RIMS2: variants seen among roughly 807,000 people sequenced by gnomAD.
RIMS2 encodes the protein regulating synaptic membrane exocytosis 2, also known as regulating synaptic membrane exocytosis protein 2.
Under a neutral mutation model 174.4 loss-of-function variants are expected in RIMS2, and 59 were observed. The ratio of observed to expected loss-of-function variants is 0.34; its 90% CI spans 0.27 to 0.42. RIMS2 has a LOEUF of 0.42. Ranked by LOEUF, RIMS2 falls within the 10% of genes least tolerant of loss-of-function variation. The pLI, the probability that RIMS2 is intolerant of heterozygous loss-of-function variation, is 1.00. For missense variants in RIMS2, 1,620 were observed against 1,666.3 expected (o/e 0.97, Z 0.48); for synonymous variants, 606 against 572.5 (o/e 1.06, Z -0.84).
At chr8:103,638,527 A>G (rs1239615682) in intron 1 of RIMS2, among the ~76,000 whole-genome samples, 1 of 152,004 alleles carries the variant, frequency 6.6e-6, no homozygotes, top group Non-Finnish European at 1.5e-5. Context: ...TTGAGGGAGC[A>G]TTATAATCCA....
chr8:104,199,624 G>C lies in RIMS2; in HGVS notation c.3335-45292G>C, dbSNP rs372913992. Among the ~76,000 whole-genome samples, 11 of 152,214 alleles carry C rather than the reference G, an allele frequency of 7.2e-5. 1 individual carries two copies. The highest frequency in any genetic ancestry group is 5.8e-4 in the East Asian group (3 of 5,186). The stretch of plus-strand genomic sequence containing the variant: ...GAATGAGTAAGAGAAAGGAATTTCA[G>C]AGTAGGAAGGCATGCCTGTGGTTCA... On this transcript the variant is annotated intron_variant, in intron 19 of 23. Coordinates refer to ENST00000504942, the Ensembl canonical transcript of RIMS2.
chr8:103,634,350 G>A (rs7002805), intron 1 of RIMS2, among the ~76,000 whole-genome samples: 33 of 152,120 alleles, frequency 2.2e-4, no homozygotes, highest in African/African-American at 7.0e-4. Context: ...TCATTGTGTT[G>A]ACTTGTATTT....
chr8:103,935,006 A>G (rs2080927393), intron 12 of RIMS2, among the ~76,000 whole-genome samples: 1 of 152,024 alleles, frequency 6.6e-6, no homozygotes, highest in East Asian at 1.9e-4. Context: ...CAGATAAACC[A>G]TTCTCGAATT....
At chr8:104,174,737 C>T (rs2098864849) in intron 19 of RIMS2, among the ~76,000 whole-genome samples, 1 of 152,092 alleles carries the variant, frequency 6.6e-6, no homozygotes, top group African/African-American at 2.4e-5. Flanking sequence ...GGAAAAGAAA[C>T]AATAAATGAT....
chr8:104,192,470 G>A (rs2099002827), intron 19 of RIMS2, among the ~76,000 whole-genome samples: 1 of 152,008 alleles, frequency 6.6e-6, no homozygotes, highest in African/African-American at 2.4e-5. Flanking sequence ...TATTTGAGCA[G>A]TAGTGTTTCT....
At chr8:103,835,164 C>T (rs1471213351) in intron 3 of RIMS2, among the ~76,000 whole-genome samples, 14 of 147,038 alleles carry the variant, frequency 9.5e-5, no homozygotes, top group African/African-American at 3.5e-4. Flanking sequence ...TGCAGTGGCG[C>T]GATCTCAGCT....
At chr8:104,107,975 C>CT (rs1017778669) in intron 19 of RIMS2, among the ~76,000 whole-genome samples, 3 of 151,062 alleles carry the variant, frequency 2.0e-5, no homozygotes, top group South Asian at 4.3e-4. Context: ...CTGCCCCCCC[C>CT]CCACAATGGA....
chr8:103,560,899 AACAG>A, intron 1 of RIMS2, among the ~76,000 whole-genome samples: 1 of 152,318 alleles, frequency 6.6e-6, no homozygotes, highest in South Asian at 2.1e-4. Context: ...AGTGCTTGTA[AACAG>A]ACAACAACAA....
intron 1 of RIMS2, among the ~76,000 whole-genome samples, chr8:103,564,345 A>G (rs552808254): frequency 1.3e-5 from 2 of 152,276 alleles, no homozygotes; most frequent in Admixed American, 6.5e-5. Context: ...CATTGTTTGT[A>G]TTAGGGTTCT....
chr8:103,522,253 C>T (rs1480099226), intron 1 of RIMS2, among the ~76,000 whole-genome samples: 1 of 152,104 alleles, frequency 6.6e-6, no homozygotes, highest in Non-Finnish European at 1.5e-5. Flanking sequence ...GGTTTTACTG[C>T]ATCTACTTAA....
chr8:103,789,623 C>A (rs1256919539), intron 3 of RIMS2, among the ~76,000 whole-genome samples: 4 of 152,046 alleles, frequency 2.6e-5, no homozygotes, highest in Non-Finnish European at 5.9e-5. Context: ...TTTGTAGGAG[C>A]CAGGTTAGAA....
At chr8:103,628,048 G>A (rs1332133090) in intron 1 of RIMS2, among the ~76,000 whole-genome samples, 1 of 152,038 alleles carries the variant, frequency 6.6e-6, no homozygotes, top group Non-Finnish European at 1.5e-5. Context: ...ACAATCAAGA[G>A]TTACCTATAA....
intron 1 of RIMS2, among the ~76,000 whole-genome samples, chr8:103,613,409 TGTG>T (rs1322761606): frequency 7.2e-5 from 11 of 152,102 alleles, no homozygotes; most frequent in Non-Finnish European, 4.4e-5. Context: ...TCCATAAAAT[TGTG>T]GTGAATGCTT....
intron 2 of RIMS2, among the ~76,000 whole-genome samples, chr8:103,748,239 C>A (rs950783897): frequency 6.6e-6 from 1 of 151,722 alleles, no homozygotes; most frequent in African/African-American, 2.4e-5. Flanking sequence ...TCTAGGAGTT[C>A]AAGACTAGAC....
At chr8:103,566,977 C>T (rs961274889) in intron 1 of RIMS2, among the ~76,000 whole-genome samples, 2 of 152,164 alleles carry the variant, frequency 1.3e-5, no homozygotes, top group Admixed American at 1.3e-4. Context: ...ACCCTGTACC[C>T]GTTAGCACTC....
chr8:103,918,538 A>G (rs1411092229), intron 9 of RIMS2, 51 bp downstream of exon 12: 4 of 1,221,404 alleles, frequency 3.3e-6, no homozygotes, highest in Non-Finnish European at 4.9e-6. Context: ...TGCATTCATC[A>G]GAGATCAGAT....
At chr8:103,806,692 G>A (rs1564706027) in intron 3 of RIMS2, among the ~76,000 whole-genome samples, 1 of 151,910 alleles carries the variant, frequency 6.6e-6, no homozygotes, top group Non-Finnish European at 1.5e-5. Context: ...CGAGAAGCTA[G>A]GAGATTATTG....
exon 16 of RIMS2, chr8:103,975,367 C>A: frequency 6.2e-7 from 1 of 1,611,750 alleles, no homozygotes; most frequent in South Asian, 1.1e-5. Context: ...ACATGATGGT[C>A]GAGATCTTCA....
chr8:103,535,541 C>T (rs1217380636), intron 1 of RIMS2, among the ~76,000 whole-genome samples: 1 of 152,132 alleles, frequency 6.6e-6, no homozygotes, highest in Non-Finnish European at 1.5e-5. Flanking sequence ...CAGAGCTTTG[C>T]CAGAATTCAA....
Sources: gnomAD v4.1 joint callset for allele counts (sites outside exome capture counted in the v4.1 genomes callset) on GRCh38, gnomAD v4.1.1 for gene constraint, MANE v1.5 for transcripts, NCBI Gene and HGNC (gene_info 2026-07-23, HGNC 2026-07-21) for gene names.